The following DHX30 variants were observed in gnomAD, a reference collection of about 807,000 sequenced individuals.
The protein encoded by DHX30 is ATP-dependent RNA helicase DHX30.
In DHX30, 4 loss-of-function variants were observed where a neutral mutation model predicts 116.9. That is an observed-to-expected ratio of 0.03 (90% CI 0.02 to 0.08). The LOEUF is 0.08. Among genes scored for constraint, DHX30 ranks in the 10% least tolerant of loss-of-function variants. DHX30 has a pLI of 1.00. For missense variants in DHX30, 871 were observed against 1,595.1 expected (o/e 0.55, Z 7.73); for synonymous variants, 697 against 651.7 (o/e 1.07, Z -1.06).
intron 4 of DHX30, among the ~76,000 whole-genome samples, chr3:47,820,757 G>A (rs1165263875): frequency 6.6e-6 from 1 of 152,146 alleles, no homozygotes; most frequent in African/African-American, 2.4e-5. Context: ...TCCAGAAGTG[G>A]ATAGAGAGAT....
intron 3 of DHX30, chr3:47,816,188 AATATT>A (rs1405320612): frequency 1.0e-6 from 1 of 978,156 alleles, no homozygotes; most frequent in Non-Finnish European, 1.2e-6. Flanking sequence ...ACACATCTAT[AATATT>A]ATAAGAGAGC....
chr3:47,810,254 G>A (rs552743825), intron 2 of DHX30, among the ~76,000 whole-genome samples: 5 of 152,218 alleles, frequency 3.3e-5, no homozygotes, highest in East Asian at 3.9e-4. Context: ...GTAGAATTTC[G>A]TTTCTTCCTG....
chr3:47,821,255 CTTTTTCCTAACTTTCT>C (rs2036286807), intron 4 of DHX30, among the ~76,000 whole-genome samples: 1 of 151,398 alleles, frequency 6.6e-6, no homozygotes, highest in African/African-American at 2.4e-5. Flanking sequence ...CATGCCTGGC[CTTTTTCCTAACTTTCT>C]TTTTTCTTTT....
At chr3:47,843,694 C>T (rs1433779780) in intron 9 of DHX30, among the ~76,000 whole-genome samples, 1 of 152,082 alleles carries the variant, frequency 6.6e-6, no homozygotes, top group East Asian at 1.9e-4. Context: ...GACAGTGTGG[C>T]AGACAGCTGG....
intron 10 of DHX30, 37 bp downstream of exon 10, chr3:47,845,889 T>C: frequency 1.3e-6 from 2 of 1,571,274 alleles, no homozygotes; most frequent in Non-Finnish European, 1.7e-6. Flanking sequence ...CCCTGCTCCC[T>C]GTAGTCTGCC....
chr3:47,848,487 A>C lies in DHX30; in HGVS notation c.2512A>C (p.Lys838Gln). ...PEKTAVEFLS[K>Q]AVDSPNIKAV... is the part of the protein sequence containing the mutation. ...GTCATAGGCGGTGGAGTTCCTGTCC[A>C]AGGCTGTGGACAGTCCAAACATCAA... The change falls in exon 16 of 22, where the codon AAG becomes CAG. Residue 838 changes from lysine (K) to glutamine (Q), a missense_variant. Physicochemically the swap from Lys to Gln is moderately conservative, Grantham distance 53. This residue lies in a region of DHX30 where 238 missense variants were observed against 481.0 expected (regional missense o/e 0.49). Coordinates refer to ENST00000445061, the MANE Select transcript of DHX30 (RefSeq NM_138615.3). This position sits in a 1 kb window ranked among gnomAD's most constrained non-coding sequence, Gnocchi z 9.4. The C allele has an allele frequency of 6.2e-7, 1 of 1,613,990 alleles. No individual in the cohort carries two copies. Among genetic ancestry groups the C allele is most frequent in the Non-Finnish European group, 8.5e-7 (1 of 1,179,978 alleles).
At position 47,848,390 on chromosome 3, in the gene DHX30, C is replaced by CGGCGG. The variant is rs762398754; in HGVS notation, c.2493+13_2493+17dup. 47 of 1,613,846 alleles carry CGGCGG rather than the reference C, an allele frequency of 2.9e-5. No individual in the cohort carries two copies. The highest frequency in any genetic ancestry group is 8.9e-5 in the East Asian group (4 of 44,902). The stretch of plus-strand genomic sequence containing the variant: ...AATCCACATGCCTGAGAAGACGGTG[C>CGGCGG]GGCGGGGCGGGGCAGGGGCTGGCCT... On this transcript the variant is annotated splice_donor_region_variant and intron_variant, in intron 15 of 21. Coordinates refer to ENST00000445061, the MANE Select transcript of DHX30 (RefSeq NM_138615.3). This position sits in a 1 kb window ranked among gnomAD's most constrained non-coding sequence, Gnocchi z 9.4.
Position 47,846,491 on chromosome 3 carries a change from G to A in DHX30, c.1419G>A (p.Glu473=). The change falls in exon 11 of 22, where the codon GAG becomes GAA. Residue 473 remains glutamate (E), a synonymous_variant. Transcript: ENST00000445061. ...KTTRIPQLLL[E]RYVTEGRGAR... ...CGCGCATCCCCCAGCTGTTGCTGGA[G>A]CGCTATGTGACCGAGGGCCGAGGTG... 6.2e-7 allele frequency: 1 copy of A among 1,614,096 alleles called. No individual in the cohort carries two copies. The highest frequency in any genetic ancestry group is 8.5e-7 in the Non-Finnish European group (1 of 1,180,048).
rs113885242 is a variant in DHX30, at chr3:47,849,876, G to A, written c.3341G>A (p.Arg1114His). ...DGDVHIRDDG[R>H]RATISLSDSD... is the part of the protein sequence containing the mutation. Reference sequence around the variant, plus strand: ...TTTTCCATTCCCTCAGATGACGGGCGCCGGGCCACCATCTCACTGAGCGAC... The same window carrying A: ...TTTTCCATTCCCTCAGATGACGGGCACCGGGCCACCATCTCACTGAGCGAC... The change falls in exon 22 of 22, where the codon CGC (arginine) becomes CAC (histidine). Residue 1114 changes from arginine to histidine, a missense_variant. Physicochemically the swap from Arg to His is conservative, Grantham distance 29. Transcript: ENST00000445061. The A allele has an allele frequency of 5.6e-6, 9 of 1,612,346 alleles. No individual in the cohort carries two copies. The highest frequency in any genetic ancestry group is 1.3e-5 in the African/African-American group (1 of 74,894).
intron 3 of DHX30, among the ~76,000 whole-genome samples, chr3:47,813,175 A>G (rs1262582090): frequency 1.3e-5 from 2 of 151,818 alleles, no homozygotes; most frequent in Non-Finnish European, 1.5e-5. Flanking sequence ...CGTCTCTACT[A>G]AAAATACAAA....
Position 47,843,272 on chromosome 3 carries a change from C to G in DHX30, c.939+17C>G. 6.2e-7 allele frequency: 1 copy of G among 1,613,962 alleles called. No individual in the cohort carries two copies. Among genetic ancestry groups the G allele is most frequent in the Non-Finnish European group, 8.5e-7 (1 of 1,179,918 alleles). On this transcript the variant is annotated intron_variant, in intron 9 of 21. Transcript: ENST00000445061. ...AAACTGAAGGTGAGTCCAGGAAGGT[C>G]CTGGGTGTGGTGCATGAGAATGTCT... is the stretch of plus-strand genomic sequence containing the variant.
At chr3:47,840,818 C>T (rs1306717178) in intron 6 of DHX30, 59 bp from the exon 7 acceptor site, 2 of 1,606,032 alleles carry the variant, frequency 1.2e-6, no homozygotes, top group Non-Finnish European at 1.7e-6. Context: ...GGACACGGAC[C>T]AGGCCGACTG....
In DHX30 at chr3:47,847,678, C is replaced by T; in HGVS notation, c.2111-103C>T. The T allele has an allele frequency of 6.7e-7, 1 of 1,492,684 alleles. No individual in the cohort carries two copies. Among genetic ancestry groups the T allele is most frequent in the East Asian group, 2.4e-5 (1 of 40,860 alleles). The allele number at this position is 1,492,684 out of a possible 1,614,324, so 92.5% of individuals were successfully genotyped here. A position where few individuals can be genotyped will look rare whatever the true frequency, so the allele number is the denominator to read the frequency against. On this transcript the variant is annotated intron_variant, in intron 13 of 21. Coordinates refer to ENST00000445061, the MANE Select transcript of DHX30 (RefSeq NM_138615.3). The surrounding 1 kb of genome is among the most constrained non-coding windows in gnomAD (Gnocchi z 5.5). ...TCACTGGGCATAGTGTTTATCTGCG[C>T]CTGTTTCATCAAAATGGGGTCAAAA...
intron 8 of DHX30, chr3:47,842,053 G>A (rs112285971): frequency 2.3e-5 from 7 of 298,806 alleles, no homozygotes; most frequent in African/African-American, 1.3e-4. Flanking sequence ...GCTGCCAGGC[G>A]AAGGGGCTTT....
intron 3 of DHX30, among the ~76,000 whole-genome samples, chr3:47,813,286 T>C (rs1576464485): frequency 6.6e-6 from 1 of 152,236 alleles, no homozygotes; most frequent in African/African-American, 2.4e-5. Context: ...GAGCTTGCAG[T>C]GAGCCGAGAT....
At chr3:47,806,232 C>G (rs1189364601) in intron 2 of DHX30, among the ~76,000 whole-genome samples, 4 of 151,382 alleles carry the variant, frequency 2.6e-5, no homozygotes, top group African/African-American at 9.7e-5. Context: ...CAACCTCTGC[C>G]TCCTGGGTTC....
At chr3:47,842,553 T>A (rs1384618287) in intron 8 of DHX30, 2 of 152,380 alleles carry the variant, frequency 1.3e-5, no homozygotes, top group East Asian at 1.9e-4. Context: ...ATTATTACAT[T>A]TAAGTCCCCC....
intron 4 of DHX30, chr3:47,819,363 C>A: frequency 1.8e-6 from 2 of 1,115,352 alleles, no homozygotes; most frequent in Non-Finnish European, 2.5e-6. Flanking sequence ...TTCTTGAGCA[C>A]ACGCGGAGGA....
At chr3:47,814,018 T>C (rs575359509) in intron 3 of DHX30, among the ~76,000 whole-genome samples, 1 of 150,952 alleles carries the variant, frequency 6.6e-6, no homozygotes, top group East Asian at 2.0e-4. Context: ...TACTAACCAG[T>C]GGGCTTTATT....
Sources: allele counts gnomAD v4.1 joint callset (sites outside exome capture counted in the v4.1 genomes callset), GRCh38; gene constraint gnomAD v4.1.1; regional missense constraint gnomAD v4.1.1; non-coding constraint Gnocchi (gnomAD v3.1); transcripts MANE v1.5; gene names NCBI Gene and HGNC (gene_info 2026-07-23, HGNC 2026-07-21).